WIPF3: variants seen among roughly 807,000 people sequenced by gnomAD.
The protein encoded by WIPF3 is WAS/WASL interacting protein family member 3, also known as WAS/WASL-interacting protein family member 3.
In WIPF3, 33 loss-of-function variants were observed where a neutral mutation model predicts 38.9. The observed-to-expected ratio is 0.85, with a 90% CI of 0.64 to 1.14. WIPF3 has a LOEUF of 1.14. Ranked by LOEUF, WIPF3 falls within the 50% of genes most tolerant of loss-of-function variation. The pLI is 0.00. For missense variants in WIPF3, 711 were observed against 652.5 expected, an observed-to-expected ratio of 1.09 and a Z score of -0.98; for synonymous variants, 324 against 269.3, an observed-to-expected ratio of 1.20 and a Z score of -1.99.
At chr7:29,871,034 G>T (rs1237119677) in intron 2 of WIPF3, among the ~76,000 whole-genome samples, 1 of 152,162 alleles carries the variant, frequency 6.6e-6, no homozygotes, top group Non-Finnish European at 1.5e-5. Flanking sequence ...ATTGGAATTG[G>T]ATATTTGGGT....
chr7:29,868,546 A>T (rs903006019), intron 2 of WIPF3, among the ~76,000 whole-genome samples: 4 of 151,736 alleles, frequency 2.6e-5, no homozygotes, highest in Non-Finnish European at 5.9e-5. Context: ...ACACACACAT[A>T]CACAAATATA....
chr7:29,826,341 C>T (rs1784615381), intron 1 of WIPF3, among the ~76,000 whole-genome samples: 1 of 152,118 alleles, frequency 6.6e-6, no homozygotes, highest in Non-Finnish European at 1.5e-5. Context: ...GTTAGAAATG[C>T]AGAATCCCAG....
chr7:29,881,951 A>G (rs760026751), intron 4 of WIPF3, among the ~76,000 whole-genome samples: 4 of 150,986 alleles, frequency 2.6e-5, no homozygotes, highest in Admixed American at 6.6e-5. Context: ...ACTTCCTTCA[A>G]CTCCCTCGGA....
intron 2 of WIPF3, among the ~76,000 whole-genome samples, chr7:29,856,420 G>A (rs1033554554): frequency 2.6e-5 from 4 of 152,150 alleles, no homozygotes; most frequent in African/African-American, 9.7e-5. Context: ...TTGAGCCCAG[G>A]AGTTCGAGAA....
In WIPF3 at chr7:29,875,877, G is replaced by A. The variant is rs770017927; in HGVS notation, c.138G>A (p.Arg46=). The part of the protein sequence containing the change: ...SSLRRADPKG[R]SALLADIQQG... ...TGCGAAGGGCAGATCCGAAAGGCCG[G>A]AGTGCGCTGTTGGCTGATATCCAGC... The change falls in exon 3 of 9, where the codon CGG becomes CGA. Residue 46 remains arginine, a synonymous_variant. Coordinates refer to ENST00000242140, the MANE Select transcript of WIPF3 (RefSeq NM_001080529.3). 6.8e-6 allele frequency: 11 copies of A among 1,614,086 alleles called. No homozygotes were observed. In the East Asian group the frequency reaches 1.6e-4, roughly 23 times the overall value.
At chr7:29,888,391 C>T (rs563380723) in intron 6 of WIPF3, among the ~76,000 whole-genome samples, 174 bp downstream of exon 6, 1 of 152,288 alleles carries the variant, frequency 6.6e-6, no homozygotes, top group South Asian at 2.1e-4. Context: ...AATAGGGTTC[C>T]TTTCAAGGCT....
chr7:29,845,030 C>CT lies in WIPF3; in HGVS notation c.90+10230dup, dbSNP rs780163235. Among the ~76,000 whole-genome samples, 644 of 138,986 alleles carry CT rather than the reference C, an allele frequency of 4.6e-3. 2 individuals are homozygous for CT. Among genetic ancestry groups the CT allele is most frequent in the African/African-American group, 8.0e-3 (302 of 37,944 alleles). 91.2% of individuals were successfully genotyped at this position (138,986 alleles called of 152,430 possible). A position where few individuals can be genotyped will look rare whatever the true frequency, so the allele number is the denominator to read the frequency against. On this transcript the variant is annotated intron_variant, in intron 2 of 8. Coordinates refer to ENST00000242140, the MANE Select transcript of WIPF3 (RefSeq NM_001080529.3). ...CCTCCTGAGATTGCTGTTTTCTTTC[C>CT]TTTTTTTTTTTTTTCTGTGTGGTTC...
chr7:29,896,567 A>G, intron 7 of WIPF3, among the ~76,000 whole-genome samples: 1 of 152,040 alleles, frequency 6.6e-6, no homozygotes, highest in East Asian at 1.9e-4. Flanking sequence ...AGTGAGCCAT[A>G]ATGGTGCCAC....
chr7:29,826,197 C>A (rs1362633566), intron 1 of WIPF3, among the ~76,000 whole-genome samples: 1 of 152,182 alleles, frequency 6.6e-6, no homozygotes, highest in Non-Finnish European at 1.5e-5. Context: ...TAAAACTCCC[C>A]TGTAGATAAG....
intron 1 of WIPF3, among the ~76,000 whole-genome samples, chr7:29,808,329 G>T (rs891984059): frequency 2.6e-5 from 4 of 152,236 alleles, no homozygotes; most frequent in African/African-American, 4.8e-5. Flanking sequence ...AACTGGAAAT[G>T]AAACATACAC....
intron 1 of WIPF3, among the ~76,000 whole-genome samples, chr7:29,826,835 A>G (rs73075907): frequency 0.03 from 4,554 of 152,288 alleles, 151 homozygotes; most frequent in African/African-American, 0.079. Context: ...AAGTGGCCTT[A>G]CTTAGTATGG....
intron 4 of WIPF3, among the ~76,000 whole-genome samples, chr7:29,883,324 C>T (rs557186772): frequency 7.9e-5 from 12 of 152,132 alleles, no homozygotes; most frequent in Non-Finnish European, 1.5e-4. Context: ...TCCAGTCTTA[C>T]CTTATGTATT....
Position 29,884,272 on chromosome 7 carries a change from A to ACCCCCCCCCCCCCCCCCCCCCC in WIPF3, c.778_779insCCCCCCCCCCCCCCCCCCCCCC (p.Ile260ThrfsTer65). The ACCCCCCCCCCCCCCCCCCCCCC allele has an allele frequency of 3.7e-6, 1 of 268,998 alleles. No individual in the cohort carries two copies. Among genetic ancestry groups the ACCCCCCCCCCCCCCCCCCCCCC allele is most frequent in the Non-Finnish European group, 5.6e-6 (1 of 179,490 alleles). The allele number at this position is 268,998 out of a possible 1,614,324, so 16.7% of individuals were successfully genotyped here. On this transcript the variant is annotated frameshift_variant, in exon 5 of 9. Transcript: ENST00000242140. LOFTEE classifies it high-confidence loss of function. ...GCTGGCTCCCTTGCACCTCCCGCCC[A>ACCCCCCCCCCCCCCCCCCCCCC]TCCCGCCCCCGCTCCCTCTGCTCCC...
In WIPF3 at chr7:29,875,326, A is replaced by G. The variant is rs115950656; in HGVS notation, c.91-504A>G. Among the ~76,000 whole-genome samples the G allele has an allele frequency of 3.8e-3, 576 of 152,252 alleles. 3 individuals carry two copies. The highest frequency in any genetic ancestry group is 0.013 in the African/African-American group (534 of 41,566). ...CACCCAGGACCCAATAGCAAGGAGGATGTGAGTACCTAAGGACTGAGCAAG... is the reference window on the plus strand; with the variant it reads ...CACCCAGGACCCAATAGCAAGGAGGGTGTGAGTACCTAAGGACTGAGCAAG... On this transcript the variant is annotated intron_variant, in intron 2 of 8. Transcript: ENST00000242140.
Position 29,915,925 on chromosome 7 carries a change from C to G in WIPF3, c.*1409C>G, listed in dbSNP as rs2128082946. 6.6e-6 allele frequency: 1 copy of G among 152,466 alleles called. No individual in the cohort carries two copies. The highest frequency in any genetic ancestry group is 3.4e-3 in the Middle Eastern group (1 of 294). The allele number at this position is 152,466 out of a possible 1,614,324, so 9.4% of individuals were successfully genotyped here. A position where few individuals can be genotyped will look rare whatever the true frequency, so the allele number is the denominator to read the frequency against. Reference sequence around the variant, plus strand: ...CTTTGCAACAACCCACGCACACATTCACCCCTGAAGTATATCATGAACAGA... The same window carrying G: ...CTTTGCAACAACCCACGCACACATTGACCCCTGAAGTATATCATGAACAGA... On this transcript the variant is annotated 3_prime_UTR_variant, in exon 9 of 9. Transcript: ENST00000242140.
intron 2 of WIPF3, among the ~76,000 whole-genome samples, chr7:29,867,683 G>A (rs987294688): frequency 2.0e-5 from 3 of 151,076 alleles, no homozygotes; most frequent in Non-Finnish European, 4.4e-5. Context: ...GAGAATATTG[G>A]CATCATTGTA....
rs556477810 is a variant in WIPF3 at position 29,884,464 on chromosome 7, C to G, written c.970C>G (p.Pro324Ala). ...AGTTAATAGCAGCAGTGAAACTCCA[C>G]CCCCGCTACCCCCTAAATCCCCCAG... The part of the protein sequence containing the change: ...PGVNSSSETP[P>A]PLPPKSPSFQ... The change falls in exon 5 of 9, where the codon CCC becomes GCC. Residue 324 changes from proline to alanine, a missense_variant. By Grantham distance (27) the Pro-to-Ala change is conservative. Transcript: ENST00000242140. 3.2e-6 allele frequency: 5 copies of G among 1,557,516 alleles called. No individual in the cohort carries two copies. In the South Asian group the frequency reaches 5.9e-5, roughly 18 times the overall value.
chr7:29,890,801 C>T (rs530107369), intron 7 of WIPF3, among the ~76,000 whole-genome samples: 1 of 146,324 alleles, frequency 6.8e-6, no homozygotes, highest in South Asian at 2.2e-4. Context: ...GAGGGCCTGC[C>T]CTGTGCTCAG....
intron 2 of WIPF3, among the ~76,000 whole-genome samples, chr7:29,843,708 G>A (rs867923490): frequency 2.0e-5 from 3 of 152,284 alleles, no homozygotes; most frequent in South Asian, 2.1e-4. Flanking sequence ...CTGTGCTTGC[G>A]AAGGTCACCA....
Sources: allele counts gnomAD v4.1 joint callset (sites outside exome capture counted in the v4.1 genomes callset), GRCh38; gene constraint gnomAD v4.1.1; transcripts MANE v1.5; gene names NCBI Gene and HGNC (gene_info 2026-07-23, HGNC 2026-07-21).